The following GPRIN1 variants were observed in gnomAD, a reference collection of about 807,000 sequenced individuals.
The protein encoded by GPRIN1 is G protein regulated inducer of neurite outgrowth 1, also known as G protein-regulated inducer of neurite outgrowth 1.
A neutral mutation model predicts 2.8 loss-of-function variants in GPRIN1; 4 were observed. That is an observed-to-expected ratio of 1.45 (90% confidence interval 0.71 to 3.32). GPRIN1 has a LOEUF of 3.32. GPRIN1 is among the 30% of genes most tolerant of loss of function. The pLI is 0.01. For missense variants in GPRIN1, 1,322 were observed against 1,343.4 expected (o/e 0.98, Z 0.25); for synonymous variants, 589 against 589.9 (o/e 1.00, Z 0.02).
intron 1 of GPRIN1, among the ~76,000 whole-genome samples, chr5:176,606,662 A>G (rs10044781): frequency 0.6 from 90,986 of 151,964 alleles, 28,420 homozygotes; most frequent in Non-Finnish European, 0.7. Context: ...GCCATCAATC[A>G]TGGAATTCTC....
chr5:176,599,412 G>A lies in GPRIN1; in HGVS notation c.423C>T (p.Ser141=). 6.2e-7 allele frequency: 1 copy of A among 1,614,240 alleles called. No individual in the cohort carries two copies. The highest frequency in any genetic ancestry group is 8.5e-7 in the Non-Finnish European group (1 of 1,180,044). Residue 141 remains serine, a synonymous_variant, in exon 2 of 2, where the codon TCC becomes TCT. Coordinates refer to ENST00000303991, the MANE Select transcript of GPRIN1 (RefSeq NM_052899.3). Reference sequence around the variant, plus strand: ...AGAACATGGGATTTCTGTCATCTGAGGATTTGGGCTCAGTTTTCACGGAGG... The same window carrying A: ...AGAACATGGGATTTCTGTCATCTGAAGATTTGGGCTCAGTTTTCACGGAGG... ...PVSSVKTEPK[S]SDDRNPMFLE... is the part of the protein sequence containing the mutation.
chr5:176,597,222 C>A lies in GPRIN1; in HGVS notation c.2613G>T (p.Val871=). The A allele has an allele frequency of 7.9e-7, 1 of 1,267,108 alleles. No individual in the cohort carries two copies. The highest frequency in any genetic ancestry group is 2.8e-5 in the South Asian group (1 of 35,418). The allele number at this position is 1,267,108 out of a possible 1,614,324, so 78.5% of individuals were successfully genotyped here. The part of the protein sequence containing the change: ...VSLGAAETRS[V]ATGPMTPQAA... ...CTTGAGGTGTCATGGGCCCAGTGGC[C>A]ACGGAGCGCGTCTCGGCGGCGCCCA... Residue 871 remains valine, a synonymous_variant, in exon 2 of 2, where the codon GTG becomes GTT. Coordinates refer to ENST00000303991, the MANE Select transcript of GPRIN1 (RefSeq NM_052899.3). The surrounding 1 kb of genome is among the most constrained non-coding windows in gnomAD (Gnocchi z 6.1).
intron 1 of GPRIN1, among the ~76,000 whole-genome samples, chr5:176,600,360 C>T (rs920672043): frequency 6.6e-6 from 1 of 152,078 alleles, no homozygotes; most frequent in African/African-American, 2.4e-5. Flanking sequence ...ACCTCAGCCT[C>T]CCAAAGGCTG....
In GPRIN1 at chr5:176,597,326, CCCCAGCGCCGT is replaced by C; in HGVS notation, c.2498_2508del (p.Asp833GlyfsTer72). 8.1e-7 allele frequency: 1 copy of C among 1,242,184 alleles called. No homozygotes were observed. Among genetic ancestry groups the C allele is most frequent in the Non-Finnish European group, 1.0e-6 (1 of 995,148 alleles). 76.9% of individuals were successfully genotyped at this position (1,242,184 alleles called of 1,614,324 possible). A position where few individuals can be genotyped will look rare whatever the true frequency, so the allele number is the denominator to read the frequency against. On this transcript the variant is annotated frameshift_variant, in exon 2 of 2. Transcript: ENST00000303991. LOFTEE classifies it low-confidence loss of function (END_TRUNC). The surrounding 1 kb of genome is among the most constrained non-coding windows in gnomAD (Gnocchi z 6.1). Reference sequence around the variant, plus strand: ...GCCGCCTGGAAGCTGAAGGCCGAGCCCCCAGCGCCGTCCTGCGGAGACATGGGGCTCACGGC... The same window carrying C: ...GCCGCCTGGAAGCTGAAGGCCGAGCCCCTGCGGAGACATGGGGCTCACGGC...
chr5:176,608,416 G>A (rs958682843), intron 1 of GPRIN1, among the ~76,000 whole-genome samples: 3 of 152,202 alleles, frequency 2.0e-5, no homozygotes, highest in African/African-American at 4.8e-5. Flanking sequence ...GTTGAGTGTG[G>A]CCTGACTGAG....
intron 1 of GPRIN1, among the ~76,000 whole-genome samples, chr5:176,606,927 C>T (rs1338787250): frequency 6.6e-6 from 1 of 152,204 alleles, no homozygotes; most frequent in African/African-American, 2.4e-5. Context: ...CCAGGCTTCC[C>T]GTCCCCAACT....
chr5:176,607,747 C>T (rs1369889105), intron 1 of GPRIN1, among the ~76,000 whole-genome samples: 3 of 151,432 alleles, frequency 2.0e-5, no homozygotes, highest in African/African-American at 7.3e-5. Flanking sequence ...GAAGACTTGA[C>T]CAAGGGCACA....
intron 1 of GPRIN1, among the ~76,000 whole-genome samples, chr5:176,605,065 A>T (rs534631491): frequency 6.6e-6 from 1 of 151,778 alleles, no homozygotes; most frequent in South Asian, 2.1e-4. Context: ...TGGCTAATTT[A>T]AAAAATATCA....
In GPRIN1 at chr5:176,599,532, G is replaced by C; in HGVS notation, c.303C>G (p.Pro101=). The change falls in exon 2 of 2, where the codon CCC becomes CCG. Residue 101 remains proline (P), a synonymous_variant. Transcript: ENST00000303991. ...LACPSPTCFS[P]QESPSKETLE... is the part of the protein sequence containing the mutation. ...ATGTCTCCTTGGAGGGTGACTCCTG[G>C]GGAGAGAAGCAGGTTGGGGAGGGGC... is the stretch of plus-strand genomic sequence containing the variant. 6.2e-7 allele frequency: 1 copy of C among 1,601,294 alleles called. No homozygotes were observed. Among genetic ancestry groups the C allele is most frequent in the Non-Finnish European group, 8.5e-7 (1 of 1,173,008 alleles).
intron 1 of GPRIN1, 103 bp from the exon 2 acceptor site, chr5:176,599,980 C>T: frequency 2.8e-6 from 2 of 716,606 alleles, no homozygotes; most frequent in Non-Finnish European, 4.0e-6. Flanking sequence ...ATCTGGTCCC[C>T]ACCTGTCCAG....
chr5:176,599,922 G>A (rs766686714), intron 1 of GPRIN1, 45 bp from the exon 2 acceptor site: 21 of 1,240,428 alleles, frequency 1.7e-5, no homozygotes, highest in Non-Finnish European at 2.2e-5. Flanking sequence ...AAGCTCAGTG[G>A]GGGAGGAGAC....
At position 176,596,987 on chromosome 5, in the gene GPRIN1, C is replaced by G; in HGVS notation, c.2848G>C (p.Gly950Arg). 1 of 1,397,646 alleles carries G rather than the reference C, an allele frequency of 7.2e-7. No individual in the cohort carries two copies. The allele number at this position is 1,397,646 out of a possible 1,614,324, so 86.6% of individuals were successfully genotyped here. The part of the protein sequence containing the change: ...KHLERQIEEH[G>R]RQGAPAPPPA... Reference sequence around the variant, plus strand: ...GGCGGCGCGGGCGCCCCTTGGCGGCCGTGCTCCTCGATCTGTCGCTCCAGA... The same window carrying G: ...GGCGGCGCGGGCGCCCCTTGGCGGCGGTGCTCCTCGATCTGTCGCTCCAGA... The change falls in exon 2 of 2, where the codon GGC becomes CGC. Residue 950 changes from glycine to arginine, a missense_variant. Coordinates refer to ENST00000303991, the MANE Select transcript of GPRIN1 (RefSeq NM_052899.3). This position sits in a 1 kb window ranked among gnomAD's most constrained non-coding sequence, Gnocchi z 5.2.
At position 176,599,688 on chromosome 5, in the gene GPRIN1, C is replaced by T. The variant is rs1343143754; in HGVS notation, c.147G>A (p.Gln49=). The change falls in exon 2 of 2, where the codon CAG becomes CAA. Residue 49 remains glutamine, a synonymous_variant. Transcript: ENST00000303991. ...TGGGGGGTGCAGGGCTTGCCTTTTGCTGGGAGGGGCAGTAATCCCTCATAG... is the reference window on the plus strand; with the variant it reads ...TGGGGGGTGCAGGGCTTGCCTTTTGTTGGGAGGGGCAGTAATCCCTCATAG... The part of the protein sequence containing the change: ...SSAMRDYCPS[Q]QKASPAPPRH... The T allele has an allele frequency of 4.5e-6, 7 of 1,570,708 alleles. No homozygotes were observed. The South Asian group carries it at 4.7e-5, about 10-fold the overall frequency.
At chr5:176,600,629 G>A (rs1443605554) in intron 1 of GPRIN1, among the ~76,000 whole-genome samples, 1 of 152,142 alleles carries the variant, frequency 6.6e-6, no homozygotes, top group Non-Finnish European at 1.5e-5. Flanking sequence ...TGTCTAAAGG[G>A]ATGGCCGGGT....
rs781073732 is a variant in GPRIN1 at position 176,598,226 on chromosome 5, G to A, written c.1609C>T (p.Pro537Ser). 36 of 1,612,392 alleles carry A rather than the reference G, an allele frequency of 2.2e-5. No homozygotes were observed. The highest frequency in any genetic ancestry group is 2.4e-5 in the Non-Finnish European group (28 of 1,179,898). ...GGCTCGGCCTTCCCTGAGGCTGTGG[G>A]AGCCGCCTTTCCAGAGGCCACCAGA... ...AGLVASGKAA[P>S]TASGKAEPLA... The change falls in exon 2 of 2, where the codon CCC (proline) becomes TCC (serine). Residue 537 changes from proline (P) to serine (S), a missense_variant. Pro to Ser is a moderately conservative substitution (Grantham distance 74). Transcript: ENST00000303991.
chr5:176,596,983 C>G lies in GPRIN1; in HGVS notation c.2852G>C (p.Arg951Pro), dbSNP rs144218405. 2.2e-5 allele frequency: 30 copies of G among 1,385,660 alleles called. No homozygotes were observed. The highest frequency in any genetic ancestry group is 2.4e-5 in the Non-Finnish European group (26 of 1,064,864). 85.8% of individuals were successfully genotyped at this position (1,385,660 alleles called of 1,614,324 possible). A position where few individuals can be genotyped will look rare whatever the true frequency, so the allele number is the denominator to read the frequency against. The change falls in exon 2 of 2, where the codon CGC becomes CCC. Residue 951 changes from arginine to proline, a missense_variant. Arg to Pro is a moderately radical substitution (Grantham distance 103, BLOSUM62 -2). Coordinates refer to ENST00000303991, the MANE Select transcript of GPRIN1 (RefSeq NM_052899.3). The surrounding 1 kb of genome is among the most constrained non-coding windows in gnomAD (Gnocchi z 5.2). ...GGGCGGCGGCGCGGGCGCCCCTTGGCGGCCGTGCTCCTCGATCTGTCGCTC... is the reference window on the plus strand; with the variant it reads ...GGGCGGCGGCGCGGGCGCCCCTTGGGGGCCGTGCTCCTCGATCTGTCGCTC... ...HLERQIEEHG[R>P]QGAPAPPPAA...
Position 176,597,782 on chromosome 5 carries a change from T to C in GPRIN1, c.2053A>G (p.Lys685Glu). Reference protein sequence around the residue: ...CRKAEPLASGKGEPVSLGKAD... With the variant: ...CRKAEPLASGEGEPVSLGKAD... ...TTCCCCAGGGACACAGGCTCTCCCTTCCCTGAGGCAAGGGGCTCTGCTTTT... is the reference window on the plus strand; with the variant it reads ...TTCCCCAGGGACACAGGCTCTCCCTCCCCTGAGGCAAGGGGCTCTGCTTTT... Residue 685 changes from lysine to glutamate, a missense_variant, in exon 2 of 2, where the codon AAG becomes GAG. Lys to Glu is a moderately conservative substitution (Grantham distance 56, BLOSUM62 1). Transcript: ENST00000303991. The surrounding 1 kb of genome is among the most constrained non-coding windows in gnomAD (Gnocchi z 6.1). The C allele has an allele frequency of 6.2e-7, 1 of 1,605,150 alleles. No homozygotes were observed. The highest frequency in any genetic ancestry group is 8.5e-7 in the Non-Finnish European group (1 of 1,175,510).
chr5:176,596,903 CA>C lies in GPRIN1; in HGVS notation c.2931del (p.Asp977GlufsTer108). 8.1e-7 allele frequency: 1 copy of C among 1,237,852 alleles called. No individual in the cohort carries two copies. The highest frequency in any genetic ancestry group is 1.5e-5 in the African/African-American group (1 of 64,720). 76.7% of individuals were successfully genotyped at this position (1,237,852 alleles called of 1,614,324 possible). Reference sequence around the variant, plus strand: ...AGGCCGGGCGGACGCTTGGCGGCGCCATCTGGGGGCGCGGTGCGCACCGAGC... The same window carrying C: ...AGGCCGGGCGGACGCTTGGCGGCGCCTCTGGGGGCGCGGTGCGCACCGAGC... ...RSGSVRTAPP[D>X]GAAKRPPGLF... On this transcript the variant is annotated frameshift_variant, in exon 2 of 2. Coordinates refer to ENST00000303991, the MANE Select transcript of GPRIN1 (RefSeq NM_052899.3). LOFTEE classifies it high-confidence loss of function. The surrounding 1 kb of genome is among the most constrained non-coding windows in gnomAD (Gnocchi z 5.2).
intron 1 of GPRIN1, among the ~76,000 whole-genome samples, chr5:176,607,773 A>G (rs1759243263): frequency 6.8e-6 from 1 of 148,046 alleles, no homozygotes; most frequent in Non-Finnish European, 1.5e-5. Context: ...GGGGCACACA[A>G]CTGGGGCACA....
Sources: gnomAD v4.1 joint callset for allele counts (sites outside exome capture counted in the v4.1 genomes callset) on GRCh38, gnomAD v4.1.1 for gene constraint, Gnocchi (gnomAD v3.1) non-coding constraint, MANE v1.5 for transcripts, NCBI Gene and HGNC (gene_info 2026-07-23, HGNC 2026-07-21) for gene names.